The following AOPEP variants were observed in gnomAD, a reference collection of about 807,000 sequenced individuals.
AOPEP encodes the protein aminopeptidase O.
Under a neutral mutation model 98.1 loss-of-function variants are expected in AOPEP, and 77 were observed. The observed-to-expected ratio is 0.78, with a 90% CI of 0.65 to 0.95. The LOEUF is 0.95. Ranked by LOEUF, AOPEP falls within the 40% of genes least tolerant of loss-of-function variation. The pLI is 0.00. For missense variants in AOPEP, 1,024 were observed against 1,024.7 expected (o/e 1.00, Z 0.01); for synonymous variants, 346 against 365.3 (o/e 0.95, Z 0.60).
chr9:94,877,816 A>G (rs780010913), intron 5 of AOPEP, among the ~76,000 whole-genome samples: 1 of 152,254 alleles, frequency 6.6e-6, no homozygotes, highest in Non-Finnish European at 1.5e-5. Context: ...TAGAAGCACA[A>G]TATACCTTTT....
At chr9:94,974,348 C>T (rs2059708728) in intron 10 of AOPEP, among the ~76,000 whole-genome samples, 3 of 152,018 alleles carry the variant, frequency 2.0e-5, no homozygotes, top group South Asian at 4.2e-4. Flanking sequence ...GGATTTTTTT[C>T]CTTTGCTGAC....
intron 14 of AOPEP, among the ~76,000 whole-genome samples, chr9:95,073,159 C>T (rs946839981): frequency 6.6e-6 from 1 of 152,216 alleles, no homozygotes; most frequent in Non-Finnish European, 1.5e-5. Context: ...TGTCCTGCTG[C>T]GAGTCTCTGA....
intron 1 of AOPEP, among the ~76,000 whole-genome samples, chr9:94,757,402 C>T (rs1450538068): frequency 6.6e-6 from 1 of 152,172 alleles, no homozygotes; most frequent in Non-Finnish European, 1.5e-5. Context: ...AAAACACATA[C>T]CACGTAGTAC....
In AOPEP at chr9:94,760,421, C is replaced by G. The variant is rs1376593567; in HGVS notation, c.638C>G (p.Pro213Arg). Residue 213 changes from proline (P) to arginine (R), a missense_variant, in exon 2 of 17, where the codon CCT becomes CGT. By Grantham distance (103) the Pro-to-Arg change is moderately radical. This residue lies in a region of AOPEP where 440 missense variants were observed against 433.8 expected (regional missense o/e 1.01). Transcript: ENST00000375315. ...LDYYARCSQA[P>R]GCGELLFDTD... ...TATTACGCTCGCTGCAGCCAGGCTCCTGGCTGTGGGGAACTCCTCTTTGAC... is the reference window on the plus strand; with the variant it reads ...TATTACGCTCGCTGCAGCCAGGCTCGTGGCTGTGGGGAACTCCTCTTTGAC... 6.2e-7 allele frequency: 1 copy of G among 1,614,010 alleles called. No homozygotes were observed.
intron 9 of AOPEP, among the ~76,000 whole-genome samples, chr9:94,959,197 C>T (rs144900268): frequency 6.6e-6 from 1 of 152,194 alleles, no homozygotes; most frequent in Non-Finnish European, 1.5e-5. Context: ...GTGCCCGCCA[C>T]CACACCTGGC....
chr9:95,090,926 G>A (rs1446835475), downstream of AOPEP, among the ~76,000 whole-genome samples: 1 of 152,214 alleles, frequency 6.6e-6, no homozygotes, highest in Non-Finnish European at 1.5e-5. Flanking sequence ...CATGGAGGGA[G>A]GCCAGCCACA....
the AOPEP span, among the ~76,000 whole-genome samples, chr9:95,136,245 T>C: frequency 1.3e-5 from 2 of 151,878 alleles, no homozygotes; most frequent in South Asian, 4.2e-4. Flanking sequence ...ATTTTTTTTT[T>C]AAATTAGCCT....
intron 5 of AOPEP, among the ~76,000 whole-genome samples, chr9:94,825,922 T>C (rs1854421501): frequency 6.6e-6 from 1 of 152,224 alleles, no homozygotes; most frequent in African/African-American, 2.4e-5. Flanking sequence ...AAAAGGATAA[T>C]TAAAAAATTC....
intron 5 of AOPEP, among the ~76,000 whole-genome samples, chr9:94,897,699 C>A (rs370130024): frequency 1.3e-5 from 2 of 152,262 alleles, no homozygotes; most frequent in East Asian, 3.9e-4. Context: ...TAATAAAAAT[C>A]TCTCTCCCCA....
At chr9:95,043,977 G>C (rs912818677) in intron 13 of AOPEP, among the ~76,000 whole-genome samples, 1 of 152,158 alleles carries the variant, frequency 6.6e-6, no homozygotes, top group Non-Finnish European at 1.5e-5. Context: ...ACCTTCCTGT[G>C]TTCTCTTTCC....
At chr9:94,943,352 G>A (rs2057227048) in intron 7 of AOPEP, among the ~76,000 whole-genome samples, 1 of 152,228 alleles carries the variant, frequency 6.6e-6, no homozygotes, top group South Asian at 2.1e-4. Flanking sequence ...CCAGCACTTT[G>A]GGAGGCTGAG....
chr9:95,001,469 A>G (rs977346879), intron 11 of AOPEP, among the ~76,000 whole-genome samples: 1 of 152,222 alleles, frequency 6.6e-6, no homozygotes, highest in South Asian at 2.1e-4. Context: ...AAAGACAGTA[A>G]TTAGAATACC....
intron 13 of AOPEP, among the ~76,000 whole-genome samples, chr9:95,045,057 G>A (rs888671528): frequency 1.3e-5 from 2 of 152,152 alleles, no homozygotes; most frequent in Non-Finnish European, 2.9e-5. Flanking sequence ...CGCCAAGGAC[G>A]GTGCTGTTTC....
the AOPEP span, chr9:95,145,568 T>C: frequency 2.0e-5 from 3 of 152,118 alleles, no homozygotes; most frequent in Non-Finnish European, 2.9e-5. Flanking sequence ...CAAGCAATGA[T>C]AGCAAAACAA....
chr9:95,086,547 G>T, intron 16 of AOPEP, 135 bp from the exon 17 acceptor site: 8 of 1,006,574 alleles, frequency 7.9e-6, no homozygotes, highest in Non-Finnish European at 9.5e-6. Context: ...AGACTGAAAT[G>T]GGCCTGGGTC....
intron 13 of AOPEP, among the ~76,000 whole-genome samples, chr9:95,018,019 T>C (rs528081471): frequency 1.3e-5 from 2 of 152,370 alleles, no homozygotes; most frequent in Non-Finnish European, 2.9e-5. Context: ...ATTTTGTTGA[T>C]CCACTTACTG....
intron 5 of AOPEP, among the ~76,000 whole-genome samples, chr9:94,918,565 C>T (rs962881907): frequency 6.6e-6 from 1 of 152,196 alleles, no homozygotes; most frequent in East Asian, 1.9e-4. Flanking sequence ...AGAGTCCAGA[C>T]TGTGTGAGCT....
chr9:94,751,888 C>CTTTTTTTTTTTTTT (rs80060505), intron 1 of AOPEP, among the ~76,000 whole-genome samples: 1 of 104,552 alleles, frequency 9.6e-6, no homozygotes, highest in Non-Finnish European at 1.9e-5. Context: ...CCCATGAAAA[C>CTTTTTTTTTTTTTT]TTTTTTTTTT....
chr9:94,808,045 CTTTTT>C (rs1385115392), intron 5 of AOPEP, among the ~76,000 whole-genome samples: 1 of 142,632 alleles, frequency 7.0e-6, no homozygotes, highest in Non-Finnish European at 1.5e-5. Flanking sequence ...TTTTTTCTTT[CTTTTT>C]TTTTTTTTTT....
Sources: allele counts gnomAD v4.1 joint callset (sites outside exome capture counted in the v4.1 genomes callset), GRCh38; gene constraint gnomAD v4.1.1; regional missense constraint gnomAD v4.1.1; transcripts MANE v1.5; gene names NCBI Gene and HGNC (gene_info 2026-07-23, HGNC 2026-07-21).